NECAB2: variants seen among roughly 807,000 people sequenced by gnomAD.
The protein encoded by NECAB2 is N-terminal EF-hand calcium-binding protein 2.
NECAB2 carries 68 observed loss-of-function variants against 51.9 expected under a neutral mutation model. That is an observed-to-expected ratio of 1.31 (90% CI 1.08 to 1.60). The LOEUF (loss-of-function observed/expected upper bound fraction) is 1.60. Among genes scored for constraint, NECAB2 ranks in the 40% most tolerant of loss-of-function variants. The pLI, the probability that NECAB2 is intolerant of heterozygous loss-of-function variation, is 0.00. For missense variants in NECAB2, 854 were observed against 490.3 expected, an observed-to-expected ratio of 1.74 and a Z score of -7.00; for synonymous variants, 329 against 203.5, an observed-to-expected ratio of 1.62 and a Z score of -5.25.
chr16:83,981,567 C>G, intron 5 of NECAB2, among the ~76,000 whole-genome samples: 1 of 152,178 alleles, frequency 6.6e-6, no homozygotes, highest in East Asian at 1.9e-4. Flanking sequence ...TCACAGCAAC[C>G]CTATGGGTGG....
upstream of NECAB2, chr16:83,965,330 G>T (rs1567658690): frequency 6.4e-7 from 1 of 1,574,554 alleles, no homozygotes. Context: ...CGACAGCCCG[G>T]CCCGGCTGGG....
In NECAB2 at chr16:84,002,756, A is replaced by T. The variant is rs1030532421; in HGVS notation, c.*410A>T. 1 of 215,146 alleles carries T rather than the reference A, an allele frequency of 4.6e-6. No homozygotes were observed. The highest frequency in any genetic ancestry group is 9.5e-6 in the Non-Finnish European group (1 of 105,710). The allele number at this position is 215,146 out of a possible 1,614,324, so 13.3% of individuals were successfully genotyped here. A position where few individuals can be genotyped will look rare whatever the true frequency, so the allele number is the denominator to read the frequency against. ...TAGCCACCACTGTGCCCAGGCGCCA[A>T]ATAAACCCTGGTTGGGAAGAGCTGT... is the stretch of plus-strand genomic sequence containing the variant. On this transcript the variant is annotated 3_prime_UTR_variant, in exon 13 of 13. Transcript: ENST00000305202.
intron 10 of NECAB2, among the ~76,000 whole-genome samples, chr16:83,998,583 T>C (rs1421548174): frequency 1.3e-5 from 2 of 152,196 alleles, no homozygotes; most frequent in South Asian, 2.1e-4. Context: ...GGGGTGATCA[T>C]GAGTGCATAT....
At chr16:83,981,330 A>G (rs192049145) in intron 5 of NECAB2, among the ~76,000 whole-genome samples, 373 of 152,218 alleles carry the variant, frequency 2.5e-3, no homozygotes, top group African/African-American at 8.5e-3. Flanking sequence ...GGTTGGGAGC[A>G]GGAGGCATTT....
intron 7 of NECAB2, 50 bp from the exon 8 acceptor site, chr16:83,994,559 C>A: frequency 6.2e-7 from 1 of 1,610,340 alleles, no homozygotes; most frequent in Non-Finnish European, 8.5e-7. Flanking sequence ...CCCCCCGAAG[C>A]CCTCGTCCTG....
Position 84,001,844 on chromosome 16 carries a change from T to G in NECAB2, c.1060T>G (p.Cys354Gly). ...TCACAGGCACCTGCAGAGCCCCCTG[T>G]GTAAGGCGTTCCGGCACGTCAAGGT... Reference protein sequence around the residue: ...AWKRHLQSPLCKAFRHVKVDT... With the variant: ...AWKRHLQSPLGKAFRHVKVDT... Residue 354 changes from cysteine (C) to glycine (G), a missense_variant, in exon 12 of 13, where the codon TGT becomes GGT. By Grantham distance (159) the Cys-to-Gly change is radical. Coordinates refer to ENST00000305202, the MANE Select transcript of NECAB2 (RefSeq NM_019065.3). 6.2e-7 allele frequency: 1 copy of G among 1,614,050 alleles called. No individual in the cohort carries two copies. The highest frequency in any genetic ancestry group is 8.5e-7 in the Non-Finnish European group (1 of 1,179,966).
In NECAB2 at chr16:83,998,169, G is replaced by C. The variant is rs373069337; in HGVS notation, c.850-36G>C. The C allele has an allele frequency of 1.2e-5, 19 of 1,587,636 alleles. No homozygotes were observed. The East Asian group carries it at 1.8e-4, about 15-fold the overall frequency. On this transcript the variant is annotated intron_variant, in intron 9 of 12. Transcript: ENST00000305202. ...GGGGTGTTTAGGGAGAAGGCCTGACGTGGAGCCCCACACTGACTCCTGCTG... is the reference window on the plus strand; with the variant it reads ...GGGGTGTTTAGGGAGAAGGCCTGACCTGGAGCCCCACACTGACTCCTGCTG...
At chr16:83,990,908 C>CT (rs1214351518) in intron 6 of NECAB2, among the ~76,000 whole-genome samples, 2 of 152,182 alleles carry the variant, frequency 1.3e-5, no homozygotes, top group Admixed American at 1.3e-4. Flanking sequence ...TTCCCAGACT[C>CT]TAATTTGTTT....
chr16:83,971,952 G>A (rs942303207), intron 1 of NECAB2, 199 bp from the exon 2 acceptor site: 32 of 670,498 alleles, frequency 4.8e-5, no homozygotes, highest in African/African-American at 5.4e-5. Context: ...TGGGTGAGGG[G>A]AGGGCCTCTG....
intron 5 of NECAB2, among the ~76,000 whole-genome samples, chr16:83,983,115 C>T (rs1234558341): frequency 1.3e-5 from 2 of 152,104 alleles, no homozygotes; most frequent in African/African-American, 2.4e-5. Context: ...GTGATCCGCC[C>T]ACCTCGGCCT....
chr16:83,982,342 T>G (rs2084499080), intron 5 of NECAB2, among the ~76,000 whole-genome samples: 1 of 152,232 alleles, frequency 6.6e-6, no homozygotes, highest in African/African-American at 2.4e-5. Flanking sequence ...TCTTGCTGTT[T>G]TAGAGTATAT....
intron 2 of NECAB2, among the ~76,000 whole-genome samples, chr16:83,977,193 G>GCCA (rs2084421931): frequency 6.6e-6 from 1 of 152,242 alleles, no homozygotes; most frequent in African/African-American, 2.4e-5. Context: ...AGTAATGCCA[G>GCCA]GGGTTTATGC....
chr16:83,965,535 A>C (rs1421814806), upstream of NECAB2: 2 of 1,612,496 alleles, frequency 1.2e-6, no homozygotes, highest in Admixed American at 3.3e-5. Context: ...GCCGTGGACG[A>C]CCCTGGCCTG....
chr16:83,974,545 C>G (rs1230951742), intron 2 of NECAB2, among the ~76,000 whole-genome samples: 2 of 152,146 alleles, frequency 1.3e-5, no homozygotes, highest in Middle Eastern at 3.2e-3. Flanking sequence ...CTGTTATGCA[C>G]CAGGACTTGA....
chr16:83,990,465 C>T, intron 5 of NECAB2, 29 bp from the exon 6 acceptor site: 1 of 1,612,184 alleles, frequency 6.2e-7, no homozygotes, highest in South Asian at 1.1e-5. Flanking sequence ...ACCCCTTTCC[C>T]CTCAGTGCCT....
At position 83,991,469 on chromosome 16, in the gene NECAB2, C is replaced by T. The variant is rs139734608; in HGVS notation, c.596+839C>T. ...GCAACGTCCGCCTCCCAGGTTCAAG[C>T]GATTCTCCTGCCTCAGCCTCCCTAG... On this transcript the variant is annotated intron_variant, in intron 6 of 12. Transcript: ENST00000305202. Among the ~76,000 whole-genome samples, 457 of 148,194 alleles carry T rather than the reference C, an allele frequency of 3.1e-3. 5 individuals carry two copies. Among genetic ancestry groups the T allele is most frequent in the African/African-American group, 0.011 (427 of 39,548 alleles).
intron 2 of NECAB2, among the ~76,000 whole-genome samples, chr16:83,973,805 G>T (rs906400824): frequency 6.6e-6 from 1 of 152,104 alleles, no homozygotes; most frequent in South Asian, 2.1e-4. Context: ...TGCGTATCTC[G>T]GTGACTCAGC....
intron 1 of NECAB2, among the ~76,000 whole-genome samples, chr16:83,969,137 C>G (rs1455139044): frequency 6.6e-6 from 1 of 151,818 alleles, no homozygotes; most frequent in East Asian, 2.0e-4. Flanking sequence ...GCCCCCGGAC[C>G]CGGCCACTGT....
chr16:83,986,679 A>ATT (rs113038465), intron 5 of NECAB2, among the ~76,000 whole-genome samples: 1,810 of 135,066 alleles, frequency 0.013, 35 homozygotes, highest in African/African-American at 0.046. Flanking sequence ...CTCACGGCAA[A>ATT]TTTTTTTTTT....
Sources: allele counts gnomAD v4.1 joint callset (sites outside exome capture counted in the v4.1 genomes callset), GRCh38; gene constraint gnomAD v4.1.1; transcripts MANE v1.5; gene names NCBI Gene and HGNC (gene_info 2026-07-23, HGNC 2026-07-21).